CHD9NB: variants seen among roughly 807,000 people sequenced by gnomAD.
The protein encoded by CHD9NB is CHD9 neighbor.
At chr16:53,049,592 A>C in the CHD9NB span, among the ~76,000 whole-genome samples, 1 of 152,164 alleles carries the variant, frequency 6.6e-6, no homozygotes, top group Admixed American at 6.6e-5. Context: ...TCACACTGGA[A>C]ATAGGGGACA....
the CHD9NB span, chr16:53,047,296 GT>G: frequency 6.6e-6 from 1 of 152,180 alleles, no homozygotes; most frequent in Non-Finnish European, 1.5e-5. Context: ...AGAGAAAACA[GT>G]TTGGCAGTTT....
the CHD9NB span, chr16:53,044,290 T>C: frequency 7.6e-6 from 3 of 396,828 alleles, no homozygotes; most frequent in Non-Finnish European, 1.3e-5. Flanking sequence ...GTTCCGTTTC[T>C]ATGGCCACAA....
the CHD9NB span, among the ~76,000 whole-genome samples, chr16:53,038,841 G>A: frequency 6.6e-6 from 1 of 152,218 alleles, no homozygotes; most frequent in East Asian, 1.9e-4. Flanking sequence ...AATGAGCACA[G>A]TGTGATGGTG....
At chr16:53,051,764 TATAA>T in the CHD9NB span, among the ~76,000 whole-genome samples, 142 of 63,418 alleles carry the variant, frequency 2.2e-3, 4 homozygotes, top group African/African-American at 8.1e-3. Context: ...AACTTAAAAG[TATAA>T]ATATATATAT....
the CHD9NB span, among the ~76,000 whole-genome samples, chr16:53,050,723 C>G: frequency 2.3e-4 from 35 of 152,204 alleles, no homozygotes; most frequent in African/African-American, 8.4e-4. Context: ...CCTTACAAGA[C>G]CAAGTGTCCT....
the CHD9NB span, among the ~76,000 whole-genome samples, chr16:53,037,741 T>C: frequency 6.6e-6 from 1 of 152,216 alleles, no homozygotes; most frequent in Non-Finnish European, 1.5e-5. Flanking sequence ...ACAGCAACCC[T>C]GGAGGTCCAA....
At chr16:53,036,729 A>C in the CHD9NB span, among the ~76,000 whole-genome samples, 101 of 152,270 alleles carry the variant, frequency 6.6e-4, 2 homozygotes, top group East Asian at 0.018. Flanking sequence ...TAGACACCAA[A>C]ACTCATACCC....
the CHD9NB span, among the ~76,000 whole-genome samples, chr16:53,037,894 A>T: frequency 6.6e-6 from 1 of 152,198 alleles, no homozygotes; most frequent in Non-Finnish European, 1.5e-5. Flanking sequence ...AGAGAAACAG[A>T]ACCAACAGAA....
At chr16:53,043,706 T>C in the CHD9NB span, 1 of 245,896 alleles carries the variant, frequency 4.1e-6, no homozygotes, top group Non-Finnish European at 7.7e-6. Flanking sequence ...CAGAACAGTC[T>C]GCTCTGAGGC....
At chr16:53,040,501 C>A in the CHD9NB span, among the ~76,000 whole-genome samples, 2 of 152,210 alleles carry the variant, frequency 1.3e-5, no homozygotes, top group African/African-American at 4.8e-5. Context: ...CATACATTCG[C>A]TTCCAAAATA....
chr16:53,049,532 G>A, the CHD9NB span, among the ~76,000 whole-genome samples: 1 of 152,132 alleles, frequency 6.6e-6, no homozygotes, highest in Non-Finnish European at 1.5e-5. Context: ...CATTCTTGCA[G>A]CAAATTATAC....
chr16:53,039,838 T>G, the CHD9NB span, among the ~76,000 whole-genome samples: 1 of 151,958 alleles, frequency 6.6e-6, no homozygotes, highest in South Asian at 2.1e-4. Context: ...TATGCAGTGC[T>G]CAGGCTGACG....
the CHD9NB span, among the ~76,000 whole-genome samples, chr16:53,051,316 C>T: frequency 2.0e-5 from 3 of 152,064 alleles, no homozygotes; most frequent in Non-Finnish European, 4.4e-5. Context: ...ACAAAATTTT[C>T]CCTTTGAAGA....
the CHD9NB span, among the ~76,000 whole-genome samples, chr16:53,045,409 T>C: frequency 6.6e-6 from 1 of 152,202 alleles, no homozygotes; most frequent in Non-Finnish European, 1.5e-5. Context: ...CAATCTCTGA[T>C]GTGAATACTT....
chr16:53,045,912 T>C, the CHD9NB span, among the ~76,000 whole-genome samples: 2 of 152,120 alleles, frequency 1.3e-5, no homozygotes, highest in Admixed American at 1.3e-4. Flanking sequence ...CCAACCCCCT[T>C]TCTGCCCCTG....
chr16:53,037,903 A>G, the CHD9NB span, among the ~76,000 whole-genome samples: 11 of 152,172 alleles, frequency 7.2e-5, no homozygotes, highest in Non-Finnish European at 1.5e-4. Context: ...GAACCAACAG[A>G]ATATATCGAG....
chr16:53,051,703 G>C, the CHD9NB span, among the ~76,000 whole-genome samples: 67 of 146,116 alleles, frequency 4.6e-4, no homozygotes, highest in Non-Finnish European at 1.5e-5. Context: ...CACCAACATG[G>C]CACATGTATA....
chr16:53,038,200 A>G, the CHD9NB span, among the ~76,000 whole-genome samples: 1 of 152,226 alleles, frequency 6.6e-6, no homozygotes, highest in Admixed American at 6.5e-5. Context: ...TCAACAGATT[A>G]GATTAACGAC....
At chr16:53,049,458 G>A in the CHD9NB span, among the ~76,000 whole-genome samples, 6 of 152,250 alleles carry the variant, frequency 3.9e-5, no homozygotes, top group South Asian at 1.0e-3. Context: ...TTACAGACAT[G>A]AGCCACCGCA....
Sources: gnomAD v4.1 joint callset for allele counts (sites outside exome capture counted in the v4.1 genomes callset) on GRCh38, gnomAD v4.1.1 for gene constraint, MANE v1.5 for transcripts, NCBI Gene and HGNC (gene_info 2026-07-23, HGNC 2026-07-21) for gene names.